The following PLEKHA2 variants were observed in gnomAD, a reference collection of about 807,000 sequenced individuals.
The protein encoded by PLEKHA2 is pleckstrin homology domain-containing family A member 2.
A neutral mutation model predicts 53.2 loss-of-function variants in PLEKHA2; 28 were observed. The ratio of observed to expected loss-of-function variants is 0.53; its 90% confidence interval spans 0.39 to 0.72. PLEKHA2 has a LOEUF of 0.72. Among genes scored for constraint, PLEKHA2 ranks in the 30% least tolerant of loss-of-function variants. The probability of loss-of-function intolerance (pLI) is 0.00; values close to 1 mark genes in which losing one functional copy is unlikely to be tolerated. For missense variants in PLEKHA2, 426 were observed against 537.9 expected, an observed-to-expected ratio of 0.79 and a Z score of 2.06; for synonymous variants, 193 against 196.4, an observed-to-expected ratio of 0.98 and a Z score of 0.14.
intron 2 of PLEKHA2, among the ~76,000 whole-genome samples, chr8:38,932,444 C>T (rs1010919938): frequency 6.6e-6 from 1 of 152,120 alleles, no homozygotes; most frequent in African/African-American, 2.4e-5. Flanking sequence ...CTGAGTTTGT[C>T]CTTTTCCTAG....
chr8:38,947,948 A>G (rs1834746001), intron 5 of PLEKHA2, among the ~76,000 whole-genome samples: 1 of 150,710 alleles, frequency 6.6e-6, no homozygotes. Context: ...CTAGCTGGGC[A>G]TGTTGGCATG....
At chr8:38,929,947 G>A (rs745476507) in intron 2 of PLEKHA2, among the ~76,000 whole-genome samples, 1 of 152,214 alleles carries the variant, frequency 6.6e-6, no homozygotes, top group African/African-American at 2.4e-5. Context: ...GAAGGGAGTA[G>A]AAGTCACATG....
At chr8:38,907,726 AC>A (rs1833898279) in intron 1 of PLEKHA2, among the ~76,000 whole-genome samples, 1 of 148,800 alleles carries the variant, frequency 6.7e-6, no homozygotes, top group Non-Finnish European at 1.5e-5. Context: ...GTGCCACTGT[AC>A]TCCAGACTGG....
chr8:38,952,516 C>G, intron 7 of PLEKHA2, 120 bp from the exon 8 acceptor site: 1 of 1,339,974 alleles, frequency 7.5e-7, no homozygotes, highest in Non-Finnish European at 1.0e-6. Context: ...GCCCTTGCCC[C>G]TGCTGAATGT....
chr8:38,970,054 A>G lies in PLEKHA2; in HGVS notation c.*271A>G, dbSNP rs1372833803. 3.6e-6 allele frequency: 2 copies of G among 552,514 alleles called. No individual in the cohort carries two copies. Among genetic ancestry groups the G allele is most frequent in the Admixed American group, 7.3e-5 (2 of 27,506 alleles). The allele number at this position is 552,514 out of a possible 1,614,324, so 34.2% of individuals were successfully genotyped here. A position where few individuals can be genotyped will look rare whatever the true frequency, so the allele number is the denominator to read the frequency against. ...AGGCATACTCAGTGGAGAGGAAGCT[A>G]CCTATTCTATTCTAACTATTCTGAG... On this transcript the variant is annotated 3_prime_UTR_variant, in exon 12 of 12. Coordinates refer to ENST00000617275, the MANE Select transcript of PLEKHA2 (RefSeq NM_021623.2).
At position 38,969,561 on chromosome 8, in the gene PLEKHA2, C is replaced by T. The variant is rs1400986390; in HGVS notation, c.1056C>T (p.Ser352=). ...TCTGCAAAGCCCCCTCTGTGGCCTC[C>T]TCCTGGCAGCCCTGGACACCTGTCC... ...KALCKAPSVA[S]SWQPWTPVPQ... Residue 352 remains serine, a synonymous_variant, in exon 12 of 12, where the codon TCC becomes TCT. Coordinates refer to ENST00000617275, the MANE Select transcript of PLEKHA2 (RefSeq NM_021623.2). The T allele has an allele frequency of 1.2e-6, 2 of 1,611,714 alleles. No individual in the cohort carries two copies. Among genetic ancestry groups the T allele is most frequent in the East Asian group, 2.2e-5 (1 of 44,828 alleles).
Position 38,941,385 on chromosome 8 carries a change from T to TTAA in PLEKHA2, c.199-2403_199-2402insAAT, listed in dbSNP as rs1834610283. Among the ~76,000 whole-genome samples, 4 of 152,246 alleles carry TTAA rather than the reference T, an allele frequency of 2.6e-5. No homozygotes were observed. In the South Asian group the frequency reaches 8.3e-4, roughly 32 times the overall value. On this transcript the variant is annotated intron_variant, in intron 3 of 11. Coordinates refer to ENST00000617275, the MANE Select transcript of PLEKHA2 (RefSeq NM_021623.2). ...ACCAATTATTTTCAAATGAAAAACT[T>TTAA]TTTAATGTTTCATTGAAAAATTAAT...
At chr8:38,962,937 G>A (rs982399901) in intron 10 of PLEKHA2, among the ~76,000 whole-genome samples, 1 of 152,228 alleles carries the variant, frequency 6.6e-6, no homozygotes, top group African/African-American at 2.4e-5. Context: ...TGGCAGGGCT[G>A]TGTCTAGAGA....
intron 6 of PLEKHA2, 145 bp downstream of exon 6, chr8:38,951,135 C>A (rs1228710544): frequency 6.8e-6 from 5 of 732,616 alleles, no homozygotes; most frequent in Non-Finnish European, 1.0e-5. Flanking sequence ...CAGGAAAGTA[C>A]AGGTCATGTT....
intron 2 of PLEKHA2, among the ~76,000 whole-genome samples, chr8:38,930,629 C>T (rs748509391): frequency 1.3e-5 from 2 of 149,090 alleles, no homozygotes; most frequent in Non-Finnish European, 3.0e-5. Context: ...TCGCTGCCAG[C>T]GAGGCACGGC....
intron 1 of PLEKHA2, among the ~76,000 whole-genome samples, chr8:38,915,856 G>T (rs1040872538): frequency 6.6e-6 from 1 of 152,128 alleles, no homozygotes; most frequent in African/African-American, 2.4e-5. Context: ...TTGTGCGTAC[G>T]TAGTAGGTGT....
At chr8:38,934,583 T>C (rs1483976691) in intron 2 of PLEKHA2, among the ~76,000 whole-genome samples, 1 of 152,102 alleles carries the variant, frequency 6.6e-6, no homozygotes, top group African/African-American at 2.4e-5. Flanking sequence ...GGGCTGTGAT[T>C]TCTAACCTTG....
intron 3 of PLEKHA2, among the ~76,000 whole-genome samples, chr8:38,938,400 C>T (rs1564130329): frequency 6.6e-6 from 1 of 152,184 alleles, no homozygotes; most frequent in Non-Finnish European, 1.5e-5. Context: ...GGGGCAAGGT[C>T]ACCCCCAGAT....
chr8:38,943,354 T>A (rs1834646819), intron 3 of PLEKHA2, among the ~76,000 whole-genome samples: 1 of 151,790 alleles, frequency 6.6e-6, no homozygotes, highest in Non-Finnish European at 1.5e-5. Context: ...TAGCCAGGCA[T>A]AGGGGCATTT....
chr8:38,948,430 A>G (rs564868214), intron 5 of PLEKHA2, among the ~76,000 whole-genome samples: 1 of 152,272 alleles, frequency 6.6e-6, no homozygotes, highest in East Asian at 1.9e-4. Flanking sequence ...TTATCAGTGC[A>G]TTGCCTGGCA....
At chr8:38,960,197 G>A (rs772205107) in intron 10 of PLEKHA2, among the ~76,000 whole-genome samples, 6 of 152,248 alleles carry the variant, frequency 3.9e-5, no homozygotes, top group South Asian at 2.1e-4. Context: ...GAACACTAGC[G>A]TCACACTGAA....
chr8:38,936,199 A>T, intron 3 of PLEKHA2, 149 bp downstream of exon 3: 3 of 848,752 alleles, frequency 3.5e-6, no homozygotes, highest in Non-Finnish European at 5.7e-6. Context: ...ATGCCTGTGG[A>T]GGCTTAGCTG....
Position 38,967,696 on chromosome 8 carries a change from C to T in PLEKHA2, c.838-896C>T, listed in dbSNP as rs183751168. Among the ~76,000 whole-genome samples the T allele has an allele frequency of 1.2e-3, 186 of 150,544 alleles. 1 individual carries two copies. The highest frequency in any genetic ancestry group is 4.5e-3 in the African/African-American group (182 of 40,828). Reference sequence around the variant, plus strand: ...TTTTTTTTTGAGACAGAGTCTCACTCTGTCACCCAGACTGGAGTGCAGTGG... The same window carrying T: ...TTTTTTTTTGAGACAGAGTCTCACTTTGTCACCCAGACTGGAGTGCAGTGG... On this transcript the variant is annotated intron_variant, in intron 10 of 11. Transcript: ENST00000617275.
chr8:38,943,324 T>G (rs534614895), intron 3 of PLEKHA2, among the ~76,000 whole-genome samples: 19 of 151,786 alleles, frequency 1.3e-4, no homozygotes, highest in Admixed American at 2.6e-4. Context: ...CTGCAAATAT[T>G]TTTCTTTTTT....
Sources: allele counts gnomAD v4.1 joint callset (sites outside exome capture counted in the v4.1 genomes callset), GRCh38; gene constraint gnomAD v4.1.1; transcripts MANE v1.5; gene names NCBI Gene and HGNC (gene_info 2026-07-23, HGNC 2026-07-21).